Variants in FAT4 observed in about 807,000 individuals in gnomAD.
The protein encoded by FAT4 is protocadherin Fat 4.
In FAT4, 84 loss-of-function variants were observed where a neutral mutation model predicts 303.9. That is an observed-to-expected ratio of 0.28 (90% CI 0.23 to 0.33). The LOEUF (loss-of-function observed/expected upper bound fraction) is 0.33, where lower values mean the gene tolerates loss of function less well. Ranked by LOEUF, FAT4 falls within the 10% of genes least tolerant of loss-of-function variation. The probability of loss-of-function intolerance (pLI) is 1.00; values close to 1 mark genes in which losing one functional copy is unlikely to be tolerated. For missense variants in FAT4, 6,005 were observed against 6,146.8 expected (o/e 0.98, Z 0.77); for synonymous variants, 2,307 against 2,298.8 (o/e 1.00, Z -0.10).
chr4:125,405,425 C>T (rs1378048477), intron 3 of FAT4, among the ~76,000 whole-genome samples: 1 of 152,018 alleles, frequency 6.6e-6, no homozygotes, highest in African/African-American at 2.4e-5. Flanking sequence ...GATAGCCATG[C>T]CAACAGGTGT....
intron 2 of FAT4, among the ~76,000 whole-genome samples, chr4:125,385,014 A>G (rs1365709429): frequency 3.3e-5 from 2 of 61,452 alleles, no homozygotes; most frequent in African/African-American, 9.8e-5. Flanking sequence ...ATATATATAT[A>G]TATATATATA....
chr4:125,321,350 A>C lies in FAT4; in HGVS notation c.4939A>C (p.Asn1647His). 1 of 1,614,184 alleles carries C rather than the reference A, an allele frequency of 6.2e-7. No individual in the cohort carries two copies. The highest frequency in any genetic ancestry group is 1.1e-5 in the South Asian group (1 of 91,088). ...ILKEGEPIGTNVISIEAASPR... is the reference protein window; with the variant it reads ...ILKEGEPIGTHVISIEAASPR... Reference sequence around the variant, plus strand: ...GAAGGAAGGAGAACCCATTGGCACAAACGTGATATCAATAGAAGCAGCTAG... The same window carrying C: ...GAAGGAAGGAGAACCCATTGGCACACACGTGATATCAATAGAAGCAGCTAG... Residue 1647 changes from asparagine to histidine, a missense_variant, in exon 2 of 18, where the codon AAC (asparagine) becomes CAC (histidine). Coordinates refer to ENST00000394329, the MANE Select transcript of FAT4 (RefSeq NM_001291303.3).
intron 2 of FAT4, among the ~76,000 whole-genome samples, chr4:125,382,912 A>C (rs1447208589): frequency 6.6e-6 from 1 of 152,188 alleles, no homozygotes; most frequent in African/African-American, 2.4e-5. Context: ...TTCTTCCCTT[A>C]AACCTTATGA....
At chr4:125,382,976 G>A (rs536064908) in intron 2 of FAT4, among the ~76,000 whole-genome samples, 1 of 152,256 alleles carries the variant, frequency 6.6e-6, no homozygotes, top group South Asian at 2.1e-4. Flanking sequence ...AGCTCTCTCA[G>A]CCTTCAAAGA....
In FAT4 at chr4:125,320,426, G is replaced by C. The variant is rs1466033768; in HGVS notation, c.4015G>C (p.Ala1339Pro). 6.2e-7 allele frequency: 1 copy of C among 1,613,750 alleles called. No individual in the cohort carries two copies. The highest frequency in any genetic ancestry group is 8.5e-7 in the Non-Finnish European group (1 of 1,179,792). ...TGGTGAACTCGTGTCCTCTGTTACT[G>C]CAACTGATTCCGATTCAGGTGACAA... Reference protein sequence around the residue: ...RIGELVSSVTATDSDSGDNAD... With the variant: ...RIGELVSSVTPTDSDSGDNAD... Residue 1339 changes from alanine (A) to proline (P), a missense_variant, in exon 2 of 18, where the codon GCA becomes CCA. Physicochemically the swap from Ala to Pro is conservative, Grantham distance 27. Transcript: ENST00000394329.
In FAT4 at chr4:125,320,200, C is replaced by T. The variant is rs1560756181; in HGVS notation, c.3789C>T (p.Thr1263=). 4.3e-6 allele frequency: 7 copies of T among 1,613,656 alleles called. No individual in the cohort carries two copies. Among genetic ancestry groups the T allele is most frequent in the Admixed American group, 1.7e-5 (1 of 60,014 alleles). Residue 1263 remains threonine (T), a synonymous_variant, in exon 2 of 18, where the codon ACC becomes ACT. Coordinates refer to ENST00000394329, the MANE Select transcript of FAT4 (RefSeq NM_001291303.3). The part of the protein sequence containing the change: ...NEERQFAIDS[T]SGQVTLIGKL... ...AAAGACAGTTTGCTATAGACAGTAC[C>T]TCTGGTCAGGTAACACTAATTGGCA...
Position 125,489,899 on chromosome 4 carries a change from A to C in FAT4, c.13085-2A>C. The C allele has an allele frequency of 4.7e-6, 5 of 1,056,262 alleles. No homozygotes were observed. Among genetic ancestry groups the C allele is most frequent in the South Asian group, 2.0e-5 (1 of 49,556 alleles). The allele number at this position is 1,056,262 out of a possible 1,614,324, so 65.4% of individuals were successfully genotyped here. ...AAGCCTTACTCCTTCTTCTTCTCCCAGCAGGTTTTGATGGCTGCATTGCTT... is the reference window on the plus strand; with the variant it reads ...AAGCCTTACTCCTTCTTCTTCTCCCCGCAGGTTTTGATGGCTGCATTGCTT... On this transcript the variant is annotated splice_acceptor_variant, in intron 17 of 17. Coordinates refer to ENST00000394329, the MANE Select transcript of FAT4 (RefSeq NM_001291303.3). LOFTEE classifies it high-confidence loss of function.
chr4:125,479,707 T>A, intron 14 of FAT4, 34 bp from the exon 15 acceptor site: 1 of 1,489,096 alleles, frequency 6.7e-7, no homozygotes, highest in Non-Finnish European at 9.1e-7. Flanking sequence ...TCATCTTTTA[T>A]GTGCGTTATT....
chr4:125,490,354 G>C lies in FAT4; in HGVS notation c.13538G>C (p.Ser4513Thr). 2 of 1,614,168 alleles carry C rather than the reference G, an allele frequency of 1.2e-6. No individual in the cohort carries two copies. Among genetic ancestry groups the C allele is most frequent in the Non-Finnish European group, 1.7e-6 (2 of 1,180,040 alleles). ...PLWAVPAIVG[S>T]CATVLALLVL... ...TGGGCTGTGCCTGCCATCGTGGGCA[G>C]CTGCGCAACCGTCTTGGCCCTCCTG... The change falls in exon 18 of 18, where the codon AGC becomes ACC. Residue 4513 changes from serine (S) to threonine (T), a missense_variant. Physicochemically the swap from Ser to Thr is moderately conservative, Grantham distance 58. Transcript: ENST00000394329.
At chr4:125,404,907 T>G (rs893864048) in intron 3 of FAT4, among the ~76,000 whole-genome samples, 1 of 152,166 alleles carries the variant, frequency 6.6e-6, no homozygotes, top group Non-Finnish European at 1.5e-5. Flanking sequence ...TTTCGTTTTG[T>G]TTTTGAGCTG....
At chr4:125,465,428 A>G (rs899257913) in intron 11 of FAT4, among the ~76,000 whole-genome samples, 1 of 152,200 alleles carries the variant, frequency 6.6e-6, no homozygotes, top group Non-Finnish European at 1.5e-5. Flanking sequence ...TTTTGAGATA[A>G]AAGATAAGGG....
Position 125,315,813 on chromosome 4 carries a change from G to A in FAT4, c.-177G>A, listed in dbSNP as rs1029837111. Among the ~76,000 whole-genome samples, 2 of 152,180 alleles carry A rather than the reference G, an allele frequency of 1.3e-5. No individual in the cohort carries two copies. Among genetic ancestry groups the A allele is most frequent in the Admixed American group, 1.3e-4 (2 of 15,290 alleles). On this transcript the variant is annotated 5_prime_UTR_variant, in exon 1 of 18. Coordinates refer to ENST00000394329, the MANE Select transcript of FAT4 (RefSeq NM_001291303.3). ...CAGCGGCCACTGCCGGCGCCCTGTT[G>A]GAGGGGCGTTGCAGCCTGGTTTTTG...
At chr4:125,348,711 G>A (rs1732100556) in intron 2 of FAT4, among the ~76,000 whole-genome samples, 1 of 151,542 alleles carries the variant, frequency 6.6e-6, no homozygotes, top group South Asian at 2.1e-4. Context: ...CTGTCTGCAT[G>A]GATAATAGCC....
chr4:125,477,386 A>G, intron 14 of FAT4, 52 bp downstream of exon 14: 1 of 1,443,104 alleles, frequency 6.9e-7, no homozygotes, highest in Non-Finnish European at 9.4e-7. Flanking sequence ...GCAAAAAAGT[A>G]TGCTTCAGTG....
intron 10 of FAT4, among the ~76,000 whole-genome samples, chr4:125,453,688 G>C (rs1218851924): frequency 6.9e-6 from 1 of 143,970 alleles, no homozygotes; most frequent in Non-Finnish European, 1.5e-5. Flanking sequence ...CCTGGCAACA[G>C]AGCAAGACTC....
At chr4:125,328,746 A>G (rs1412570277) in intron 2 of FAT4, among the ~76,000 whole-genome samples, 2 of 152,188 alleles carry the variant, frequency 1.3e-5, no homozygotes, top group Admixed American at 1.3e-4. Context: ...ACATATCATC[A>G]TTTGACAAAT....
chr4:125,449,835 G>T lies in FAT4; in HGVS notation c.8825G>T (p.Gly2942Val). The change falls in exon 10 of 18, where the codon GGC (glycine) becomes GTC (valine). Residue 2942 changes from glycine (G) to valine (V), a missense_variant. Gly to Val is a moderately radical substitution (Grantham distance 109). Transcript: ENST00000394329. The part of the protein sequence containing the change: ...KQILKYQNVT[G>V]FSNVNINRHS... ...ATCTTAAAATACCAAAATGTCACTG[G>T]CTTCAGTAATGTGAATATCAACAGG... The T allele has an allele frequency of 1.9e-6, 3 of 1,613,862 alleles. No homozygotes were observed. The highest frequency in any genetic ancestry group is 2.5e-6 in the Non-Finnish European group (3 of 1,179,888).
intron 10 of FAT4, among the ~76,000 whole-genome samples, chr4:125,463,060 A>G (rs1726534915): frequency 6.6e-6 from 1 of 152,034 alleles, no homozygotes; most frequent in Admixed American, 6.6e-5. Context: ...GTGTTTTCTT[A>G]TTTCTTATTC....
rs200843083 is a variant in FAT4 at position 125,450,547 on chromosome 4, C to T, written c.9537C>T (p.Tyr3179=). Residue 3179 remains tyrosine (Y), a synonymous_variant, in exon 10 of 18, where the codon TAC becomes TAT. Coordinates refer to ENST00000394329, the MANE Select transcript of FAT4 (RefSeq NM_001291303.3). ...GAGGATGGGTTGCAAGAACTGGTTA[C>T]TGCAGTGTGACCGTAAATGTGATTG... ...IDGGWVARTG[Y]CSVTVNVIDV... is the part of the protein sequence containing the mutation. The T allele has an allele frequency of 6.2e-7, 1 of 1,614,142 alleles. No homozygotes were observed. Among genetic ancestry groups the T allele is most frequent in the East Asian group, 2.2e-5 (1 of 44,882 alleles).
Sources: allele counts gnomAD v4.1 joint callset (sites outside exome capture counted in the v4.1 genomes callset), GRCh38; gene constraint gnomAD v4.1.1; transcripts MANE v1.5; gene names NCBI Gene and HGNC (gene_info 2026-07-23, HGNC 2026-07-21).